The following ANKS1B variants were observed in gnomAD, a reference collection of about 807,000 sequenced individuals.
ANKS1B encodes ankyrin repeat and sterile alpha motif domain containing 1B.
Under a neutral mutation model 148.3 loss-of-function variants are expected in ANKS1B, and 36 were observed. The ratio of observed to expected loss-of-function variants is 0.24; its 90% CI spans 0.19 to 0.32. The LOEUF is 0.32. Among genes scored for constraint, ANKS1B ranks in the 10% least tolerant of loss-of-function variants. The pLI is 1.00. For synonymous variants in ANKS1B, 542 were observed against 560.8 expected, an observed-to-expected ratio of 0.97 and a Z score of 0.47; for missense variants, 1,157 against 1,542.6, an observed-to-expected ratio of 0.75 and a Z score of 4.19.
intron 17 of ANKS1B, among the ~76,000 whole-genome samples, chr12:99,009,908 T>G (rs1333526195): frequency 6.6e-6 from 1 of 152,046 alleles, no homozygotes; most frequent in Non-Finnish European, 1.5e-5. Context: ...TTATTAGTTA[T>G]TACCTCAGGA....
At chr12:99,567,509 T>C (rs1317780939) in intron 9 of ANKS1B, among the ~76,000 whole-genome samples, 2 of 151,962 alleles carry the variant, frequency 1.3e-5, no homozygotes, top group South Asian at 2.1e-4. Context: ...CTAAAATACA[T>C]CCATATGGTT....
intron 9 of ANKS1B, among the ~76,000 whole-genome samples, chr12:99,533,764 T>C (rs1182791403): frequency 3.9e-5 from 6 of 152,192 alleles, no homozygotes; most frequent in African/African-American, 1.4e-4. Flanking sequence ...GTTTCATTTG[T>C]GTGTGTGTGC....
intron 10 of ANKS1B, among the ~76,000 whole-genome samples, chr12:99,474,318 C>G (rs921916741): frequency 2.6e-5 from 4 of 151,920 alleles, no homozygotes; most frequent in African/African-American, 9.7e-5. Context: ...TCTTATCAAA[C>G]CATTTTGCAA....
intron 9 of ANKS1B, among the ~76,000 whole-genome samples, chr12:99,560,673 T>C (rs1370637065): frequency 6.6e-6 from 1 of 152,132 alleles, no homozygotes; most frequent in African/African-American, 2.4e-5. Context: ...TGTACATACC[T>C]TAATTTAAAA....
At chr12:98,866,030 G>C (rs2099622822) in intron 17 of ANKS1B, among the ~76,000 whole-genome samples, 1 of 152,072 alleles carries the variant, frequency 6.6e-6, no homozygotes, top group Non-Finnish European at 1.5e-5. Flanking sequence ...GGTGTCTCTA[G>C]GTTGTTGTTG....
At position 98,838,242 on chromosome 12, in the gene ANKS1B, T is replaced by A. The variant is rs143712090; in HGVS notation, c.2779-6106A>T. 5.8e-4 allele frequency among the ~76,000 whole-genome samples: 88 copies of A among 152,326 alleles called. No individual in the cohort carries two copies. The East Asian group carries it at 0.015, about 26-fold the overall frequency. ...CATTCCACATGCTTAAATAATTCTA[T>A]CATCCTACAATTTCCGTTCTCAATG... is the stretch of plus-strand genomic sequence containing the variant. On this transcript the variant is annotated intron_variant, in intron 17 of 26. Transcript: ENST00000683438.
chr12:99,674,332 T>G (rs1208391326), intron 8 of ANKS1B, among the ~76,000 whole-genome samples: 1 of 151,830 alleles, frequency 6.6e-6, no homozygotes, highest in East Asian at 1.9e-4. Context: ...TAACACACAT[T>G]TGTTTAACAA....
At chr12:99,938,926 T>C (rs1385698749) in intron 1 of ANKS1B, among the ~76,000 whole-genome samples, 3 of 152,120 alleles carry the variant, frequency 2.0e-5, no homozygotes, top group African/African-American at 7.2e-5. Flanking sequence ...AAGCTTAAGG[T>C]GTAGAAGAAA....
At chr12:98,946,485 AG>A (rs946658845) in intron 17 of ANKS1B, among the ~76,000 whole-genome samples, 3 of 152,224 alleles carry the variant, frequency 2.0e-5, no homozygotes, top group African/African-American at 4.8e-5. Context: ...AAGAACAAAA[AG>A]GGTTCCTGCC....
intron 4 of ANKS1B, among the ~76,000 whole-genome samples, chr12:99,783,368 T>C (rs1490401153): frequency 1.3e-5 from 2 of 152,148 alleles, no homozygotes; most frequent in Non-Finnish European, 2.9e-5. Flanking sequence ...GCATTGACTA[T>C]CTCATATACT....
At chr12:99,647,872 A>G in intron 9 of ANKS1B, 1 of 369,170 alleles carries the variant, frequency 2.7e-6, no homozygotes, top group Middle Eastern at 7.4e-4. Context: ...TCCCTCCCGA[A>G]TGAGCACTGA....
intron 9 of ANKS1B, among the ~76,000 whole-genome samples, chr12:99,609,358 G>A (rs1397795979): frequency 6.6e-6 from 1 of 151,834 alleles, no homozygotes; most frequent in Non-Finnish European, 1.5e-5. Context: ...ACCAAAACCA[G>A]TAAGTCTTTT....
chr12:99,443,474 C>CCT (rs1411055073), intron 11 of ANKS1B, among the ~76,000 whole-genome samples, 199 bp downstream of exon 11: 2 of 151,862 alleles, frequency 1.3e-5, no homozygotes, highest in Non-Finnish European at 2.9e-5. Flanking sequence ...ATTCATTTTT[C>CCT]CAAAAACTAA....
At chr12:99,322,475 A>G (rs1387125160) in intron 12 of ANKS1B, among the ~76,000 whole-genome samples, 4 of 150,214 alleles carry the variant, frequency 2.7e-5, no homozygotes, top group Non-Finnish European at 3.0e-5. Context: ...TGGAACTTAA[A>G]GTAAAAAAAA....
At chr12:99,275,682 C>A (rs985792057) in intron 12 of ANKS1B, among the ~76,000 whole-genome samples, 1 of 152,156 alleles carries the variant, frequency 6.6e-6, no homozygotes, top group Non-Finnish European at 1.5e-5. Flanking sequence ...CAGTATACTT[C>A]TTTTGGGGTA....
chr12:99,547,669 A>C (rs1277151234), intron 9 of ANKS1B, among the ~76,000 whole-genome samples: 1 of 152,196 alleles, frequency 6.6e-6, no homozygotes, highest in African/African-American at 2.4e-5. Flanking sequence ...AAAACCTTTC[A>C]TGTTCAACAT....
intron 8 of ANKS1B, among the ~76,000 whole-genome samples, chr12:99,687,756 T>A (rs2098657758): frequency 6.6e-6 from 1 of 152,222 alleles, no homozygotes; most frequent in Non-Finnish European, 1.5e-5. Flanking sequence ...GTTTTATATA[T>A]ACATAATATA....
chr12:99,160,018 T>C (rs1208935041), intron 14 of ANKS1B, among the ~76,000 whole-genome samples: 1 of 152,250 alleles, frequency 6.6e-6, no homozygotes, highest in Non-Finnish European at 1.5e-5. Context: ...GCCACTTGTA[T>C]GTCTTCTTTT....
chr12:98,968,150 G>A (rs1362952688), intron 17 of ANKS1B, among the ~76,000 whole-genome samples: 1 of 152,050 alleles, frequency 6.6e-6, no homozygotes, highest in African/African-American at 2.4e-5. Flanking sequence ...GTATCTCTGG[G>A]GCTGGGATCT....
Sources: gnomAD v4.1 joint callset for allele counts (sites outside exome capture counted in the v4.1 genomes callset) on GRCh38, gnomAD v4.1.1 for gene constraint, MANE v1.5 for transcripts, NCBI Gene and HGNC (gene_info 2026-07-23, HGNC 2026-07-21) for gene names.